The following PRUNE1 variants were observed in gnomAD, a reference collection of about 807,000 sequenced individuals.
PRUNE1 encodes exopolyphosphatase PRUNE1.
PRUNE1 carries 25 observed loss-of-function variants against 42.5 expected under a neutral mutation model. The observed-to-expected ratio is 0.59, with a 90% CI of 0.43 to 0.82. PRUNE1 has a LOEUF of 0.82. Among genes scored for constraint, PRUNE1 ranks in the 40% least tolerant of loss-of-function variants. The probability of loss-of-function intolerance (pLI) is 0.00; values close to 1 mark genes in which losing one functional copy is unlikely to be tolerated. For synonymous variants in PRUNE1, 203 were observed against 217.1 expected (o/e 0.93, Z 0.57); for missense variants, 443 against 539.3 (o/e 0.82, Z 1.77).
In PRUNE1 at chr1:151,008,657, C is replaced by T; in HGVS notation, c.25C>T (p.Arg9Ter). 1 of 1,614,122 alleles carries T rather than the reference C, an allele frequency of 6.2e-7. No individual in the cohort carries two copies. Among genetic ancestry groups the T allele is most frequent in the East Asian group, 2.2e-5 (1 of 44,876 alleles). Residue 9 changes from arginine (R) to a stop codon, truncating the protein, a stop_gained, in exon 1 of 8, where the codon CGA becomes TGA. Transcript: ENST00000271620. LOFTEE classifies it high-confidence loss of function. The part of the protein sequence containing the change: MEDYLQGC[R>*]AALQESRPLH... ...CATGGAGGACTACCTGCAGGGTTGT[C>T]GAGCTGCTCTGCAGGTAACGAATCC...
chr1:151,020,979 T>C (rs1674388065), intron 3 of PRUNE1, among the ~76,000 whole-genome samples: 1 of 148,594 alleles, frequency 6.7e-6, no homozygotes, highest in Admixed American at 6.7e-5. Context: ...CAAGACTCCA[T>C]CTTAAAAAAA....
chr1:151,014,180 C>T (rs1047215274), intron 1 of PRUNE1, among the ~76,000 whole-genome samples: 2 of 152,146 alleles, frequency 1.3e-5, no homozygotes, highest in African/African-American at 4.8e-5. Flanking sequence ...GGGGTTTCAC[C>T]AGGTTAGCCA....
chr1:151,031,558 T>C (rs1675250380), intron 7 of PRUNE1, among the ~76,000 whole-genome samples: 1 of 152,136 alleles, frequency 6.6e-6, no homozygotes, highest in African/African-American at 2.4e-5. Flanking sequence ...TATAATATAT[T>C]GATTTAGAAC....
At chr1:151,030,734 C>T (rs1675192551) in intron 7 of PRUNE1, among the ~76,000 whole-genome samples, 1 of 152,146 alleles carries the variant, frequency 6.6e-6, no homozygotes, top group African/African-American at 2.4e-5. Flanking sequence ...GATCCACCTG[C>T]CTTGGCCTTC....
rs765985084 is a variant in PRUNE1 at position 151,008,628 on chromosome 1, T to C, written c.-5T>C. The C allele has an allele frequency of 3.1e-6, 5 of 1,614,182 alleles. No homozygotes were observed. The highest frequency in any genetic ancestry group is 4.2e-6 in the Non-Finnish European group (5 of 1,180,028). On this transcript the variant is annotated 5_prime_UTR_variant, in exon 1 of 8. Coordinates refer to ENST00000271620, the MANE Select transcript of PRUNE1 (RefSeq NM_021222.3). Reference sequence around the variant, plus strand: ...CAGGGGCGACGGCGTACTTTGGGCTTCATCATGGAGGACTACCTGCAGGGT... The same window carrying C: ...CAGGGGCGACGGCGTACTTTGGGCTCCATCATGGAGGACTACCTGCAGGGT...
chr1:151,015,739 G>C (rs1451608853), intron 1 of PRUNE1, among the ~76,000 whole-genome samples: 1 of 152,100 alleles, frequency 6.6e-6, no homozygotes, highest in East Asian at 1.9e-4. Context: ...GGGAGGTGGA[G>C]TCTGCAGTGA....
At chr1:151,013,059 G>A (rs190591368) in intron 1 of PRUNE1, among the ~76,000 whole-genome samples, 7 of 152,198 alleles carry the variant, frequency 4.6e-5, no homozygotes, top group African/African-American at 1.4e-4. Context: ...CACCGCGCTC[G>A]GCCTATTCTC....
At chr1:151,033,581 G>A (rs1432408546) in intron 7 of PRUNE1, among the ~76,000 whole-genome samples, 1 of 151,290 alleles carries the variant, frequency 6.6e-6, no homozygotes, top group African/African-American at 2.4e-5. Context: ...TAGTAGAGAC[G>A]GGGTTTCACT....
intron 7 of PRUNE1, 100 bp from the exon 8 acceptor site, chr1:151,033,706 T>A: frequency 7.9e-7 from 1 of 1,263,114 alleles, no homozygotes. Flanking sequence ...ACTTACTTTT[T>A]AAAAGCTTCC....
chr1:151,018,273 C>G (rs780517776), intron 2 of PRUNE1, 194 bp from the exon 3 acceptor site: 1 of 750,252 alleles, frequency 1.3e-6, no homozygotes, highest in Non-Finnish European at 2.4e-6. Flanking sequence ...CATGAGTTAC[C>G]TTGTTGACTT....
Position 151,008,735 on chromosome 1 carries a change from G to C in PRUNE1, c.39+64G>C, listed in dbSNP as rs1271579263. On this transcript the variant is annotated intron_variant, in intron 1 of 7. Transcript: ENST00000271620. ...CGGGGTCCAGGAAGGACGAAGACGTGGGATCTGGGGGAGCCTCGACGGTCC... is the reference window on the plus strand; with the variant it reads ...CGGGGTCCAGGAAGGACGAAGACGTCGGATCTGGGGGAGCCTCGACGGTCC... 15 of 1,585,546 alleles carry C rather than the reference G, an allele frequency of 9.5e-6. No homozygotes were observed. In the East Asian group the frequency reaches 3.1e-4, roughly 33 times the overall value.
chr1:151,027,833 G>A (rs1164737401), intron 6 of PRUNE1, among the ~76,000 whole-genome samples: 1 of 151,766 alleles, frequency 6.6e-6, no homozygotes, highest in Non-Finnish European at 1.5e-5. Flanking sequence ...TGCCCAGGCT[G>A]GTCTCAAACT....
chr1:151,027,781 TGCGC>T (rs1553254126), intron 6 of PRUNE1, among the ~76,000 whole-genome samples: 16 of 142,530 alleles, frequency 1.1e-4, no homozygotes, highest in Admixed American at 2.8e-4. Context: ...TGTGTGTGTG[TGCGC>T]GCGCGTGTAT....
In PRUNE1 at chr1:151,015,342, A is replaced by AG. The variant is rs1216786612; in HGVS notation, c.40-2470_40-2469insG. Among the ~76,000 whole-genome samples the AG allele has an allele frequency of 2.1e-5, 3 of 146,150 alleles. No homozygotes were observed. The East Asian group carries it at 6.0e-4, about 29-fold the overall frequency. On this transcript the variant is annotated intron_variant, in intron 1 of 7. Coordinates refer to ENST00000271620, the MANE Select transcript of PRUNE1 (RefSeq NM_021222.3). ...AGTGAGACTCCATCTGAAAAAAAAA[A>AG]AAAAAAACAAGGGCCGGGCACGGTG...
chr1:151,017,711 G>A (rs776311089), intron 1 of PRUNE1, 101 bp from the exon 2 acceptor site: 250 of 658,376 alleles, frequency 3.8e-4, no homozygotes, highest in Non-Finnish European at 5.4e-4. Flanking sequence ...GGGCGACAGA[G>A]TGAGACCTGT....
chr1:151,018,665 T>C lies in PRUNE1; in HGVS notation c.331T>C (p.Ser111Pro), dbSNP rs1306532259. 1 of 1,613,436 alleles carries C rather than the reference T, an allele frequency of 6.2e-7. No homozygotes were observed. The highest frequency in any genetic ancestry group is 8.5e-7 in the Non-Finnish European group (1 of 1,179,420). Reference sequence around the variant, plus strand: ...CATCCTTGTCGACCATCATATCTTATCCAAGTAAGCACAAGGAAATTAAAT... The same window carrying C: ...CATCCTTGTCGACCATCATATCTTACCCAAGTAAGCACAAGGAAATTAAAT... ...TLILVDHHIL[S>P]KSDTALEEAV... The change falls in exon 3 of 8, where the codon TCC becomes CCC. Residue 111 changes from serine (S) to proline (P), a missense_variant. Physicochemically the swap from Ser to Pro is moderately conservative, Grantham distance 74. Coordinates refer to ENST00000271620, the MANE Select transcript of PRUNE1 (RefSeq NM_021222.3).
At chr1:151,031,851 CCAT>C (rs1477940138) in intron 7 of PRUNE1, among the ~76,000 whole-genome samples, 1 of 152,148 alleles carries the variant, frequency 6.6e-6, no homozygotes, top group Non-Finnish European at 1.5e-5. Context: ...GGTTTAACTG[CCAT>C]CATCTGCATG....
At position 151,022,027 on chromosome 1, in the gene PRUNE1, G is replaced by A. The variant is rs985694891; in HGVS notation, c.336-2584G>A. ...TCTGTCTCCTAGGCTAGAGTACAGCGGCATCATCATAACCTTGAGCTCCTG... is the reference window on the plus strand; with the variant it reads ...TCTGTCTCCTAGGCTAGAGTACAGCAGCATCATCATAACCTTGAGCTCCTG... On this transcript the variant is annotated intron_variant, in intron 3 of 7. Transcript: ENST00000271620. Among the ~76,000 whole-genome samples, 3 of 151,198 alleles carry A rather than the reference G, an allele frequency of 2.0e-5. No homozygotes were observed. In the South Asian group the frequency reaches 6.3e-4, roughly 32 times the overall value.
At position 151,012,350 on chromosome 1, in the gene PRUNE1, A is replaced by C. The variant is rs12089671; in HGVS notation, c.39+3679A>C. Among the ~76,000 whole-genome samples the C allele has an allele frequency of 3.5e-3, 528 of 152,312 alleles. 3 individuals carry two copies. The highest frequency in any genetic ancestry group is 8.1e-3 in the South Asian group (39 of 4,824). Reference sequence around the variant, plus strand: ...TGTCTTATAAGTTGGGCAGCCCCACACACGGTTTGCCCAGGGCAGTCTTGG... The same window carrying C: ...TGTCTTATAAGTTGGGCAGCCCCACCCACGGTTTGCCCAGGGCAGTCTTGG... On this transcript the variant is annotated intron_variant, in intron 1 of 7. Coordinates refer to ENST00000271620, the MANE Select transcript of PRUNE1 (RefSeq NM_021222.3).
Sources: allele counts gnomAD v4.1 joint callset (sites outside exome capture counted in the v4.1 genomes callset), GRCh38; gene constraint gnomAD v4.1.1; transcripts MANE v1.5; gene names NCBI Gene and HGNC (gene_info 2026-07-23, HGNC 2026-07-21).